NARS2: variants seen among roughly 807,000 people sequenced by gnomAD.
NARS2 encodes asparaginyl-tRNA synthetase.
A neutral mutation model predicts 62.9 loss-of-function variants in NARS2; 60 were observed. That is an observed-to-expected ratio of 0.95 (90% CI 0.77 to 1.18). The LOEUF (loss-of-function observed/expected upper bound fraction) is 1.18. Ranked by LOEUF, NARS2 falls within the 50% of genes most tolerant of loss-of-function variation. The pLI, the probability that NARS2 is intolerant of heterozygous loss-of-function variation, is 0.00. For synonymous variants in NARS2, 196 were observed against 200.0 expected (o/e 0.98, Z 0.17); for missense variants, 619 against 576.4 (o/e 1.07, Z -0.76).
At chr11:78,491,500 G>T (rs1859817663) in intron 7 of NARS2, among the ~76,000 whole-genome samples, 1 of 152,252 alleles carries the variant, frequency 6.6e-6, no homozygotes, top group African/African-American at 2.4e-5. Flanking sequence ...CAAAGGTACT[G>T]CCTTACTCAA....
intron 9 of NARS2, among the ~76,000 whole-genome samples, chr11:78,469,727 C>T (rs1003283808): frequency 5.9e-5 from 9 of 152,020 alleles, no homozygotes; most frequent in African/African-American, 2.2e-4. Flanking sequence ...AAAGCTCAGC[C>T]TTCATGGAGA....
intron 13 of NARS2, among the ~76,000 whole-genome samples, chr11:78,439,776 G>C (rs1042058295): frequency 6.6e-5 from 10 of 152,072 alleles, no homozygotes; most frequent in Non-Finnish European, 1.5e-4. Context: ...ACAGCACAAG[G>C]ATTAATAATA....
At chr11:78,531,460 A>G (rs2135433328) in intron 5 of NARS2, among the ~76,000 whole-genome samples, 1 of 152,332 alleles carries the variant, frequency 6.6e-6, no homozygotes, top group South Asian at 2.1e-4. Flanking sequence ...GGTTCCTTAA[A>G]AAGTTAAAAT....
rs144332720 is a variant in NARS2 at position 78,442,811 on chromosome 11, C to G, written c.1262+850G>C. On this transcript the variant is annotated intron_variant, in intron 12 of 13. Transcript: ENST00000281038. ...GTGTTTACAGATTTGTTTCCCAGTTCTCAAACAGCAAGTTAGAATAAAGTT... is the reference window on the plus strand; with the variant it reads ...GTGTTTACAGATTTGTTTCCCAGTTGTCAAACAGCAAGTTAGAATAAAGTT... Among the ~76,000 whole-genome samples, 301 of 152,206 alleles carry G rather than the reference C, an allele frequency of 2.0e-3. 1 individual carries two copies. Among genetic ancestry groups the G allele is most frequent in the African/African-American group, 7.0e-3 (289 of 41,514 alleles).
chr11:78,496,916 T>C (rs541377637), intron 6 of NARS2, among the ~76,000 whole-genome samples: 7 of 152,232 alleles, frequency 4.6e-5, no homozygotes, highest in African/African-American at 1.7e-4. Context: ...TCTTTCTTTC[T>C]TTTTTCCTAT....
intron 5 of NARS2, among the ~76,000 whole-genome samples, chr11:78,545,617 T>C (rs1454913204): frequency 1.4e-5 from 2 of 147,288 alleles, no homozygotes; most frequent in African/African-American, 2.5e-5. Context: ...CTCCACCTCC[T>C]GGATTTAAGC....
chr11:78,530,841 T>C (rs1861451289), intron 5 of NARS2, among the ~76,000 whole-genome samples: 1 of 152,234 alleles, frequency 6.6e-6, no homozygotes, highest in Non-Finnish European at 1.5e-5. Flanking sequence ...ATTTCTTTAA[T>C]TCAACTTATT....
At chr11:78,462,184 GGT>G (rs1318196610) in intron 11 of NARS2, among the ~76,000 whole-genome samples, 3 of 152,122 alleles carry the variant, frequency 2.0e-5, no homozygotes, top group Admixed American at 1.3e-4. Context: ...AAAAATACAT[GGT>G]GTGTGTGTTG....
chr11:78,454,436 A>G (rs1334457235), intron 11 of NARS2, among the ~76,000 whole-genome samples: 2 of 152,064 alleles, frequency 1.3e-5, no homozygotes, highest in Admixed American at 6.5e-5. Flanking sequence ...ACAGACTGAC[A>G]TCGCTTCCCT....
chr11:78,543,466 T>C (rs939231539), intron 5 of NARS2, among the ~76,000 whole-genome samples: 13 of 152,220 alleles, frequency 8.5e-5, no homozygotes, highest in African/African-American at 3.1e-4. Flanking sequence ...TCATTTATGA[T>C]TACTTGAATT....
At chr11:78,437,362 C>T (rs1476098066) in intron 13 of NARS2, among the ~76,000 whole-genome samples, 1 of 152,146 alleles carries the variant, frequency 6.6e-6, no homozygotes, top group Non-Finnish European at 1.5e-5. Context: ...GTGTTAATTA[C>T]ATGAAGTTTT....
chr11:78,490,370 T>C (rs751288063), intron 7 of NARS2, among the ~76,000 whole-genome samples: 4 of 152,178 alleles, frequency 2.6e-5, no homozygotes, highest in Non-Finnish European at 4.4e-5. Flanking sequence ...CCAGCAAAGG[T>C]AGTACAAGGC....
Position 78,466,334 on chromosome 11 carries a change from TA to T in NARS2, c.1027-322del, listed in dbSNP as rs1214395775. 3.0e-3 allele frequency among the ~76,000 whole-genome samples: 370 copies of T among 122,076 alleles called. 1 individual carries two copies. Among genetic ancestry groups the T allele is most frequent in the African/African-American group, 1.0e-2 (320 of 32,006 alleles). 80.1% of individuals were successfully genotyped at this position (122,076 alleles called of 152,430 possible). On this transcript the variant is annotated intron_variant, in intron 10 of 13. Transcript: ENST00000281038. ...AAACAAAGTCTACTTTACAAGGAGATAAAAAAAAAAACCTGACTTCAGAATC... is the reference window on the plus strand; with the variant it reads ...AAACAAAGTCTACTTTACAAGGAGATAAAAAAAAAACCTGACTTCAGAATC...
chr11:78,467,559 A>T (rs146107448), intron 10 of NARS2, among the ~76,000 whole-genome samples: 4,628 of 146,668 alleles, frequency 0.032, 87 homozygotes, highest in Middle Eastern at 0.043. Flanking sequence ...ATAAATAAAT[A>T]AATAAATAAA....
In NARS2 at chr11:78,465,842, G is replaced by C. The variant is rs138933422; in HGVS notation, c.1164+34C>G. On this transcript the variant is annotated intron_variant, in intron 11 of 13. Coordinates refer to ENST00000281038, the MANE Select transcript of NARS2 (RefSeq NM_024678.6). The stretch of plus-strand genomic sequence containing the variant: ...CTAAATGAAAAACCCAACCTAAGAG[G>C]ACTAACCCCAATTTATTTAGTATCT... The C allele has an allele frequency of 4.0e-4, 639 of 1,611,786 alleles. 6 individuals are homozygous for C. In the African/African-American group the frequency reaches 5.9e-3, roughly 15 times the overall value.
intron 6 of NARS2, among the ~76,000 whole-genome samples, chr11:78,512,781 T>C (rs1350545883): frequency 6.6e-6 from 1 of 152,188 alleles, no homozygotes; most frequent in Non-Finnish European, 1.5e-5. Context: ...TTAAAATTTT[T>C]TAAATATTTT....
intron 11 of NARS2, among the ~76,000 whole-genome samples, chr11:78,465,387 C>T (rs866875163): frequency 1.8e-4 from 28 of 152,386 alleles, no homozygotes; most frequent in Middle Eastern, 6.8e-3. Context: ...CCTCAAGTGC[C>T]GCCAAAGTGG....
At chr11:78,477,931 C>T (rs1021865744) in intron 9 of NARS2, among the ~76,000 whole-genome samples, 1 of 152,092 alleles carries the variant, frequency 6.6e-6, no homozygotes, top group African/African-American at 2.4e-5. Context: ...TCTATCTCCA[C>T]ACACACACCC....
chr11:78,552,460 G>A lies in NARS2; in HGVS notation c.594+7079C>T, dbSNP rs536864688. On this transcript the variant is annotated intron_variant, in intron 5 of 13. Coordinates refer to ENST00000281038, the MANE Select transcript of NARS2 (RefSeq NM_024678.6). Reference sequence around the variant, plus strand: ...ACAGTGAGGCAATGAACATTCACGTGCATGTGTCTTTATGGTGTGAAAGGA... The same window carrying A: ...ACAGTGAGGCAATGAACATTCACGTACATGTGTCTTTATGGTGTGAAAGGA... 9.2e-4 allele frequency among the ~76,000 whole-genome samples: 140 copies of A among 152,272 alleles called. 1 individual carries two copies. The highest frequency in any genetic ancestry group is 6.8e-3 in the Middle Eastern group (2 of 294).
Sources: gnomAD v4.1 joint callset for allele counts (sites outside exome capture counted in the v4.1 genomes callset) on GRCh38, gnomAD v4.1.1 for gene constraint, MANE v1.5 for transcripts, NCBI Gene and HGNC (gene_info 2026-07-23, HGNC 2026-07-21) for gene names.